Variants in CDC42BPA observed in about 807,000 individuals in gnomAD.
CDC42BPA encodes serine/threonine-protein kinase MRCK alpha.
A neutral mutation model predicts 223.5 loss-of-function variants in CDC42BPA; 80 were observed. The observed-to-expected ratio is 0.36, with a 90% CI of 0.30 to 0.43. The LOEUF (loss-of-function observed/expected upper bound fraction) is 0.43, where lower values mean the gene tolerates loss of function less well. CDC42BPA is among the 20% of genes least tolerant of loss of function. The pLI, the probability that CDC42BPA is intolerant of heterozygous loss-of-function variation, is 1.00. For missense variants in CDC42BPA, 1,743 were observed against 2,099.9 expected (o/e 0.83, Z 3.32); for synonymous variants, 694 against 718.6 (o/e 0.97, Z 0.55).
rs1322917970 is a variant in CDC42BPA at position 226,994,884 on chromosome 1, G to T, written c.5072C>A (p.Ser1691Tyr). 4 of 1,613,860 alleles carry T rather than the reference G, an allele frequency of 2.5e-6. No individual in the cohort carries two copies. Among genetic ancestry groups the T allele is most frequent in the Non-Finnish European group, 3.4e-6 (4 of 1,179,868 alleles). ...RQPMPSPSEG[S>Y]LSSGGMDQGS... ...TTGGTCCATGCCTCCAGAGGACAAAGAGCCCTCTGACGGGGAGGGCATGGG... is the reference window on the plus strand; with the variant it reads ...TTGGTCCATGCCTCCAGAGGACAAATAGCCCTCTGACGGGGAGGGCATGGG... Residue 1691 changes from serine (S) to tyrosine (Y), a missense_variant, in exon 36 of 37, where the codon TCT (serine) becomes TAT (tyrosine). By Grantham distance (144) the Ser-to-Tyr change is moderately radical (BLOSUM62 -2). Coordinates refer to ENST00000366766, the MANE Select transcript of CDC42BPA (RefSeq NM_001394014.1). The surrounding 1 kb of genome is among the most constrained non-coding windows in gnomAD (Gnocchi z 4.0).
rs1660647118 is a variant in CDC42BPA at position 226,990,768 on chromosome 1, A to G, written c.*3500T>C. 6.5e-6 allele frequency: 1 copy of G among 152,706 alleles called. No individual in the cohort carries two copies. Among genetic ancestry groups the G allele is most frequent in the African/African-American group, 2.4e-5 (1 of 41,466 alleles). 9.5% of individuals were successfully genotyped at this position (152,706 alleles called of 1,614,324 possible). ...GTCTTTCTCAGAAATAGACGTGGCC[A>G]CTAAGTAACAAAATGACATAATTCT... On this transcript the variant is annotated 3_prime_UTR_variant, in exon 37 of 37. Coordinates refer to ENST00000366766, the MANE Select transcript of CDC42BPA (RefSeq NM_001394014.1).
At chr1:227,279,205 T>C (rs1298949138) in intron 1 of CDC42BPA, among the ~76,000 whole-genome samples, 1 of 152,178 alleles carries the variant, frequency 6.6e-6, no homozygotes, top group African/African-American at 2.4e-5. Flanking sequence ...TGTGTTCTCC[T>C]AACTCCATCA....
At chr1:227,150,287 T>C (rs1039313213) in intron 6 of CDC42BPA, among the ~76,000 whole-genome samples, 3 of 150,620 alleles carry the variant, frequency 2.0e-5, no homozygotes. Context: ...GACTCATGTC[T>C]ATACACATTG....
intron 1 of CDC42BPA, among the ~76,000 whole-genome samples, chr1:227,300,133 A>T (rs1691361683): frequency 1.3e-5 from 2 of 152,160 alleles, no homozygotes; most frequent in African/African-American, 4.8e-5. Context: ...ATTTAATATA[A>T]GGCACCTCTC....
At chr1:227,232,626 T>C (rs1447216510) in intron 2 of CDC42BPA, among the ~76,000 whole-genome samples, 1 of 152,214 alleles carries the variant, frequency 6.6e-6, no homozygotes. Flanking sequence ...TTAGTCTTCC[T>C]TCTAACAGTC....
intron 10 of CDC42BPA, among the ~76,000 whole-genome samples, chr1:227,131,382 T>C (rs529484526): frequency 6.6e-6 from 1 of 152,314 alleles, no homozygotes; most frequent in Admixed American, 6.5e-5. Context: ...TGTGACCTAG[T>C]TAGAACTTAA....
At chr1:227,300,542 G>A (rs1217110363) in intron 1 of CDC42BPA, among the ~76,000 whole-genome samples, 1 of 152,078 alleles carries the variant, frequency 6.6e-6, no homozygotes, top group Non-Finnish European at 1.5e-5. Flanking sequence ...TGGAGCTGGA[G>A]GCCATTATTC....
chr1:226,995,382 T>C lies in CDC42BPA; in HGVS notation c.4976-402A>G, dbSNP rs116457956. ...CATTTATGAAGTCATGTTATCATCA[T>C]GTGCCTGTCATTCTCCCAATAGATG... On this transcript the variant is annotated intron_variant, in intron 35 of 36. Transcript: ENST00000366766. 6.0e-3 allele frequency among the ~76,000 whole-genome samples: 919 copies of C among 152,330 alleles called. 11 individuals are homozygous for C. Among genetic ancestry groups the C allele is most frequent in the African/African-American group, 0.021 (863 of 41,576 alleles).
chr1:227,161,327 A>T (rs1000408553), intron 5 of CDC42BPA, among the ~76,000 whole-genome samples: 1 of 152,230 alleles, frequency 6.6e-6, no homozygotes, highest in African/African-American at 2.4e-5. Flanking sequence ...CAGGGACTTA[A>T]CAATATTAAG....
chr1:227,164,058 AT>A (rs930123115), intron 5 of CDC42BPA, among the ~76,000 whole-genome samples: 5 of 151,706 alleles, frequency 3.3e-5, no homozygotes, highest in African/African-American at 1.2e-4. Flanking sequence ...GTATTACTCT[AT>A]TTTTTTTCAG....
intron 23 of CDC42BPA, among the ~76,000 whole-genome samples, chr1:227,046,101 T>C (rs1672391301): frequency 6.6e-6 from 1 of 152,068 alleles, no homozygotes; most frequent in Admixed American, 6.5e-5. Context: ...CCACCACGTA[T>C]CCCTGATCTT....
At chr1:227,187,684 CCCCCCA>C (rs1558708866) in intron 5 of CDC42BPA, among the ~76,000 whole-genome samples, 4 of 79,434 alleles carry the variant, frequency 5.0e-5, no homozygotes, top group African/African-American at 9.5e-5. Flanking sequence ...CCCCCACCCC[CCCCCCA>C]AAAAAAAAAA....
At chr1:227,163,804 C>T (rs1371707091) in intron 5 of CDC42BPA, among the ~76,000 whole-genome samples, 2 of 150,982 alleles carry the variant, frequency 1.3e-5, no homozygotes, top group Non-Finnish European at 3.0e-5. Flanking sequence ...TCTGTCTTCC[C>T]AGACATCATA....
rs143858091 is a variant in CDC42BPA at position 227,152,510 on chromosome 1, A to G, written c.694-4951T>C. Among the ~76,000 whole-genome samples, 724 of 152,306 alleles carry G rather than the reference A, an allele frequency of 4.8e-3. 3 individuals are homozygous for G. Among genetic ancestry groups the G allele is most frequent in the African/African-American group, 0.016 (656 of 41,570 alleles). ...AACTCTAGACAGCAGGTAAACTACA[A>G]ATGTTTAAAAATGTAAAGATAAACA... On this transcript the variant is annotated intron_variant, in intron 6 of 36. Transcript: ENST00000366766.
intron 34 of CDC42BPA, chr1:227,011,113 G>C (rs1335724220): frequency 1.9e-6 from 2 of 1,052,472 alleles, no homozygotes; most frequent in African/African-American, 1.7e-5. Flanking sequence ...TGATGAAAAT[G>C]GATTCACATT....
At chr1:227,099,018 T>A (rs943989709) in intron 15 of CDC42BPA, among the ~76,000 whole-genome samples, 1 of 152,128 alleles carries the variant, frequency 6.6e-6, no homozygotes, top group Non-Finnish European at 1.5e-5. Flanking sequence ...GAAAAATTCC[T>A]ATTACCTGTG....
intron 21 of CDC42BPA, among the ~76,000 whole-genome samples, chr1:227,055,023 T>C (rs373390202): frequency 6.6e-6 from 1 of 152,018 alleles, no homozygotes; most frequent in Non-Finnish European, 1.5e-5. Context: ...ATGCCATTTA[T>C]AGTGATAGTC....
intron 14 of CDC42BPA, among the ~76,000 whole-genome samples, chr1:227,110,305 C>T (rs1686705232): frequency 6.6e-6 from 1 of 152,078 alleles, no homozygotes; most frequent in Non-Finnish European, 1.5e-5. Context: ...TGTTTTAACC[C>T]TTTACTACAT....
At chr1:227,011,992 A>C (rs774303685) in intron 34 of CDC42BPA, among the ~76,000 whole-genome samples, 14 of 152,188 alleles carry the variant, frequency 9.2e-5, no homozygotes, top group Non-Finnish European at 1.5e-4. Context: ...CTTTGTAAAA[A>C]GATTGCATAA....
Sources: allele counts gnomAD v4.1 joint callset (sites outside exome capture counted in the v4.1 genomes callset), GRCh38; gene constraint gnomAD v4.1.1; non-coding constraint Gnocchi (gnomAD v3.1); transcripts MANE v1.5; gene names NCBI Gene and HGNC (gene_info 2026-07-23, HGNC 2026-07-21).